MDGA2: variants seen among roughly 807,000 people sequenced by gnomAD.
The protein encoded by MDGA2 is MAM domain containing glycosylphosphatidylinositol anchor 2, also known as MAM domain-containing glycosylphosphatidylinositol anchor protein 2.
A neutral mutation model predicts 117.8 loss-of-function variants in MDGA2; 40 were observed. The observed-to-expected ratio is 0.34, with a 90% CI of 0.26 to 0.44. MDGA2 has a LOEUF of 0.44. MDGA2 is among the 20% of genes least tolerant of loss of function. MDGA2 has a pLI of 1.00. For missense variants in MDGA2, 1,123 were observed against 1,250.6 expected, an observed-to-expected ratio of 0.90 and a Z score of 1.54; for synonymous variants, 452 against 439.0, an observed-to-expected ratio of 1.03 and a Z score of -0.37.
chr14:47,662,643 C>T (rs1288458371), intron 1 of MDGA2, among the ~76,000 whole-genome samples: 3 of 152,122 alleles, frequency 2.0e-5, no homozygotes, highest in African/African-American at 4.8e-5. Context: ...TCCACACCAG[C>T]TGCTGCAATT....
intron 8 of MDGA2, among the ~76,000 whole-genome samples, chr14:46,999,151 G>A (rs116113986): frequency 1.1e-3 from 165 of 151,506 alleles, no homozygotes; most frequent in Non-Finnish European, 1.9e-3. Context: ...CTTAAAATAC[G>A]ATTTAAGTAT....
chr14:46,847,591 A>G (rs1424357490), intron 15 of MDGA2, among the ~76,000 whole-genome samples: 1 of 151,996 alleles, frequency 6.6e-6, no homozygotes, highest in Non-Finnish European at 1.5e-5. Flanking sequence ...ACAGTCCTTT[A>G]TTTAAAAGGT....
chr14:47,665,403 C>T (rs190240113), intron 1 of MDGA2, among the ~76,000 whole-genome samples: 1 of 152,220 alleles, frequency 6.6e-6, no homozygotes, highest in South Asian at 2.1e-4. Context: ...TCACAACCCT[C>T]GCTTACTCTC....
At chr14:47,058,720 G>A in intron 7 of MDGA2, 3 of 985,172 alleles carry the variant, frequency 3.0e-6, no homozygotes, top group South Asian at 4.7e-5. Flanking sequence ...AAGCAAATTG[G>A]AACATCAAAG....
At chr14:47,598,300 T>C (rs1275262656) in intron 1 of MDGA2, among the ~76,000 whole-genome samples, 1 of 152,188 alleles carries the variant, frequency 6.6e-6, no homozygotes, top group Non-Finnish European at 1.5e-5. Flanking sequence ...AACTACTACA[T>C]AGCCCGTCAA....
At chr14:47,206,922 A>G (rs149742745) in intron 3 of MDGA2, among the ~76,000 whole-genome samples, 1 of 152,108 alleles carries the variant, frequency 6.6e-6, no homozygotes, top group African/African-American at 2.4e-5. Context: ...TAGATGACTG[A>G]CAGACCATTT....
chr14:47,602,401 T>C (rs1896664886), intron 1 of MDGA2, among the ~76,000 whole-genome samples: 1 of 152,088 alleles, frequency 6.6e-6, no homozygotes, highest in South Asian at 2.1e-4. Context: ...GAATCACTCA[T>C]TAAAACAGTA....
At chr14:47,169,800 G>C (rs970101420) in intron 3 of MDGA2, among the ~76,000 whole-genome samples, 2 of 151,780 alleles carry the variant, frequency 1.3e-5, no homozygotes, top group African/African-American at 4.8e-5. Flanking sequence ...CTGTAGTTTT[G>C]TTTCTCAGCT....
intron 5 of MDGA2, among the ~76,000 whole-genome samples, chr14:47,129,323 T>G (rs572817643): frequency 9.0e-4 from 136 of 150,908 alleles, no homozygotes; most frequent in African/African-American, 3.1e-3. Flanking sequence ...TTCCCACCTA[T>G]GAGTGAGAAT....
chr14:47,571,286 A>ATGCTT (rs897441282), intron 1 of MDGA2, among the ~76,000 whole-genome samples: 52 of 152,342 alleles, frequency 3.4e-4, no homozygotes, highest in South Asian at 8.3e-4. Context: ...AGAAATAGGA[A>ATGCTT]TGCTTTTACA....
At chr14:47,551,645 C>T (rs2138778927) in intron 1 of MDGA2, among the ~76,000 whole-genome samples, 1 of 152,280 alleles carries the variant, frequency 6.6e-6, no homozygotes, top group Middle Eastern at 3.4e-3. Flanking sequence ...CCCAAGAATT[C>T]ACACAAAATA....
chr14:47,422,991 T>A (rs1892610900), intron 1 of MDGA2, among the ~76,000 whole-genome samples: 1 of 152,196 alleles, frequency 6.6e-6, no homozygotes, highest in Non-Finnish European at 1.5e-5. Context: ...ATTATTAATT[T>A]CCTTTTTCCT....
chr14:47,674,490 T>A, intron 1 of MDGA2, 27 bp downstream of exon 1: 2 of 1,539,746 alleles, frequency 1.3e-6, no homozygotes, highest in Non-Finnish European at 1.8e-6. Context: ...AATCACAAGG[T>A]CACGATAGCG....
intron 5 of MDGA2, among the ~76,000 whole-genome samples, chr14:47,109,886 C>T (rs1880941603): frequency 6.6e-6 from 1 of 152,122 alleles, no homozygotes; most frequent in East Asian, 1.9e-4. Context: ...ATAGAGGCTG[C>T]AGTGAGCCGA....
In MDGA2 at chr14:47,075,921, TC is replaced by T. The variant is rs1890473566; in HGVS notation, c.1196-14344del. On this transcript the variant is annotated intron_variant, in intron 6 of 16. Coordinates refer to ENST00000399232, the MANE Select transcript of MDGA2 (RefSeq NM_001113498.3). ...TTTTTACATTTCTAGATTATCCTCC[TC>T]CTATTAAACTATTCTCCTCGAATTA... Among the ~76,000 whole-genome samples, 4 of 152,226 alleles carry T rather than the reference TC, an allele frequency of 2.6e-5. No homozygotes were observed. In the South Asian group the frequency reaches 8.3e-4, roughly 32 times the overall value.
intron 1 of MDGA2, among the ~76,000 whole-genome samples, chr14:47,530,479 T>C (rs1439620555): frequency 6.6e-6 from 1 of 152,222 alleles, no homozygotes; most frequent in Non-Finnish European, 1.5e-5. Context: ...TATCTCTGTA[T>C]ACTGTACTTC....
At chr14:47,092,136 C>T (rs574053023) in intron 6 of MDGA2, among the ~76,000 whole-genome samples, 21 of 152,132 alleles carry the variant, frequency 1.4e-4, no homozygotes, top group Non-Finnish European at 2.6e-4. Flanking sequence ...TTTTAATCAA[C>T]CAGGAGTGAT....
chr14:47,084,862 T>C (rs1325899495), intron 6 of MDGA2, among the ~76,000 whole-genome samples: 2 of 152,168 alleles, frequency 1.3e-5, no homozygotes, highest in African/African-American at 4.8e-5. Context: ...TTCCAGGATC[T>C]AGAACTGTGA....
At chr14:47,189,797 T>A (rs1392458438) in intron 3 of MDGA2, among the ~76,000 whole-genome samples, 1 of 152,188 alleles carries the variant, frequency 6.6e-6, no homozygotes, top group Non-Finnish European at 1.5e-5. Context: ...AGGTATTTAA[T>A]CACTTTGTCA....
Sources: gnomAD v4.1 joint callset for allele counts (sites outside exome capture counted in the v4.1 genomes callset) on GRCh38, gnomAD v4.1.1 for gene constraint, MANE v1.5 for transcripts, NCBI Gene and HGNC (gene_info 2026-07-23, HGNC 2026-07-21) for gene names.